ASS1: variants seen among roughly 807,000 people sequenced by gnomAD.
ASS1 encodes argininosuccinate synthase 1.
ASS1 carries 58 observed loss-of-function variants against 60.5 expected under a neutral mutation model. The observed-to-expected ratio is 0.96, with a 90% CI of 0.78 to 1.19. ASS1 has a LOEUF of 1.19. Among genes scored for constraint, ASS1 ranks in the 50% most tolerant of loss-of-function variants. ASS1 has a pLI of 0.00. For missense variants in ASS1, 454 were observed against 547.3 expected, an observed-to-expected ratio of 0.83 and a Z score of 1.70; for synonymous variants, 200 against 206.9, an observed-to-expected ratio of 0.97 and a Z score of 0.29.
In ASS1 at chr9:130,476,896, C is replaced by G. The variant is rs776441071; in HGVS notation, c.623C>G (p.Thr208Arg). Residue 208 changes from threonine (T) to arginine (R), a missense_variant, in exon 9 of 15, where the codon ACG (threonine) becomes AGG (arginine). Coordinates refer to ENST00000352480, the MANE Select transcript of ASS1 (RefSeq NM_054012.4). The surrounding 1 kb of genome is among the most constrained non-coding windows in gnomAD (Gnocchi z 4.9). Reference protein sequence around the residue: ...PKNQAPPGLYTKTQDPAKAPN... With the variant: ...PKNQAPPGLYRKTQDPAKAPN... ...AACCAAGCGCCTCCAGGTCTCTACA[C>G]GAAGACCCAGGACCCAGCCAAAGCC... 5 of 1,614,098 alleles carry G rather than the reference C, an allele frequency of 3.1e-6. No homozygotes were observed. The Admixed American group carries it at 5.0e-5, about 16-fold the overall frequency.
Position 130,489,576 on chromosome 9 carries a change from C to T in ASS1, c.970+112C>T, listed in dbSNP as rs756867001. ...CCGTATCAGCACCTTCCTCCCCTGC[C>T]GCCCACTGCCATCCTCATGTGAGAC... On this transcript the variant is annotated intron_variant, in intron 12 of 14. Coordinates refer to ENST00000352480, the MANE Select transcript of ASS1 (RefSeq NM_054012.4). This position sits in a 1 kb window ranked among gnomAD's most constrained non-coding sequence, Gnocchi z 4.1. The T allele has an allele frequency of 1.1e-5, 17 of 1,537,010 alleles. No homozygotes were observed. Among genetic ancestry groups the T allele is most frequent in the Non-Finnish European group, 1.4e-5 (16 of 1,118,768 alleles).
intron 8 of ASS1, among the ~76,000 whole-genome samples, 185 bp downstream of exon 8, chr9:130,471,700 C>T (rs913593358): frequency 6.1e-4 from 93 of 152,148 alleles, no homozygotes; most frequent in African/African-American, 2.2e-3. Context: ...ACCGTCTCCT[C>T]GCTGCATTTG....
chr9:130,491,100 C>T lies in ASS1; in HGVS notation c.970+1636C>T, dbSNP rs149658802. The stretch of plus-strand genomic sequence containing the variant: ...ATCACTGTAACTCATCTCAGGATTT[C>T]GAGAGGGCTCGATGGTTATTGGCTG... On this transcript the variant is annotated intron_variant, in intron 12 of 14. Coordinates refer to ENST00000352480, the MANE Select transcript of ASS1 (RefSeq NM_054012.4). The surrounding 1 kb of genome is among the most constrained non-coding windows in gnomAD (Gnocchi z 5.3). Among the ~76,000 whole-genome samples the T allele has an allele frequency of 6.6e-4, 101 of 152,302 alleles. No individual in the cohort carries two copies. The Middle Eastern group carries it at 0.017, about 26-fold the overall frequency.
Position 130,470,488 on chromosome 9 carries a change from T to C in ASS1, c.496-346T>C, listed in dbSNP as rs1157657855. Reference sequence around the variant, plus strand: ...GCGGGTTCACACAAGCCCCAGCTCGTAGGGTGGTGGCGGGGCTGGTTGGCT... The same window carrying C: ...GCGGGTTCACACAAGCCCCAGCTCGCAGGGTGGTGGCGGGGCTGGTTGGCT... On this transcript the variant is annotated intron_variant, in intron 6 of 14. Coordinates refer to ENST00000352480, the MANE Select transcript of ASS1 (RefSeq NM_054012.4). The surrounding 1 kb of genome is among the most constrained non-coding windows in gnomAD (Gnocchi z 4.3). Among the ~76,000 whole-genome samples, 1 of 152,144 alleles carries C rather than the reference T, an allele frequency of 6.6e-6. No homozygotes were observed. The highest frequency in any genetic ancestry group is 1.5e-5 in the Non-Finnish European group (1 of 68,014).
rs768923973 is a variant in ASS1 at position 130,452,282 on chromosome 9, G to A, written c.54G>A (p.Ser18=). The part of the protein sequence containing the change: ...VLAYSGGLDT[S]CILVWLKEQG... ...CCTACAGTGGCGGCCTGGACACCTC[G>A]TGCATCCTCGTGTGGCTGAAGGAAC... The change falls in exon 2 of 15, where the codon TCG becomes TCA. Residue 18 remains serine, a synonymous_variant. Transcript: ENST00000352480. 10 of 1,614,034 alleles carry A rather than the reference G, an allele frequency of 6.2e-6. No homozygotes were observed. The highest frequency in any genetic ancestry group is 1.7e-5 in the Admixed American group (1 of 60,004).
intron 11 of ASS1, among the ~76,000 whole-genome samples, chr9:130,483,452 G>A (rs1172975827): frequency 6.6e-6 from 1 of 151,768 alleles, no homozygotes; most frequent in Admixed American, 6.6e-5. Flanking sequence ...TGGGGAAGCC[G>A]CGGCTGGAGT....
At chr9:130,454,846 A>C (rs2131869985) in intron 3 of ASS1, among the ~76,000 whole-genome samples, 1 of 149,322 alleles carries the variant, frequency 6.7e-6, no homozygotes, top group South Asian at 2.1e-4. Flanking sequence ...CCATCCATCC[A>C]TCCATTCATC....
chr9:130,458,731 C>A, intron 4 of ASS1, 142 bp downstream of exon 4: 1 of 1,194,770 alleles, frequency 8.4e-7, no homozygotes, highest in Non-Finnish European at 1.2e-6. Context: ...GTTTAGACCC[C>A]AATGAGAGGG....
Position 130,489,231 on chromosome 9 carries a change from T to A in ASS1, c.839-102T>A. ...GCCGGCTTGTCTCCTGTCAGACGACTCATTATTATTATTATTTTTTTTTTT... is the reference window on the plus strand; with the variant it reads ...GCCGGCTTGTCTCCTGTCAGACGACACATTATTATTATTATTTTTTTTTTT... On this transcript the variant is annotated intron_variant, in intron 11 of 14. Coordinates refer to ENST00000352480, the MANE Select transcript of ASS1 (RefSeq NM_054012.4). This position sits in a 1 kb window ranked among gnomAD's most constrained non-coding sequence, Gnocchi z 4.1. The A allele has an allele frequency of 3.3e-6, 5 of 1,504,038 alleles. No homozygotes were observed. The highest frequency in any genetic ancestry group is 4.6e-6 in the Non-Finnish European group (5 of 1,098,602). The allele number at this position is 1,504,038 out of a possible 1,614,324, so 93.2% of individuals were successfully genotyped here.
At position 130,478,890 on chromosome 9, in the gene ASS1, C is replaced by T. The variant is rs576200943; in HGVS notation, c.689-826C>T. Among the ~76,000 whole-genome samples the T allele has an allele frequency of 6.6e-6, 1 of 152,284 alleles. No homozygotes were observed. The highest frequency in any genetic ancestry group is 2.1e-4 in the South Asian group (1 of 4,830). On this transcript the variant is annotated intron_variant, in intron 9 of 14. Transcript: ENST00000352480. The surrounding 1 kb of genome is among the most constrained non-coding windows in gnomAD (Gnocchi z 4.7). Reference sequence around the variant, plus strand: ...AAGCGGCGCCTGGCTAATAAAGCCTCGAAAGCCGCTATTGAGGCCTGATTG... The same window carrying T: ...AAGCGGCGCCTGGCTAATAAAGCCTTGAAAGCCGCTATTGAGGCCTGATTG...
intron 9 of ASS1, among the ~76,000 whole-genome samples, chr9:130,479,264 A>G (rs1846103979): frequency 6.6e-6 from 1 of 151,898 alleles, no homozygotes; most frequent in Non-Finnish European, 1.5e-5. Flanking sequence ...GGTCCGCCTG[A>G]CAGACGTGGC....
intron 7 of ASS1, 48 bp from the exon 8 acceptor site, chr9:130,471,437 T>A: frequency 6.2e-7 from 1 of 1,607,502 alleles, no homozygotes; most frequent in Non-Finnish European, 8.5e-7. Flanking sequence ...GATGGGGACA[T>A]GCCATGTCCC....
intron 3 of ASS1, among the ~76,000 whole-genome samples, chr9:130,455,051 TCATCCATC>T (rs141916013): frequency 6.8e-6 from 1 of 147,152 alleles, no homozygotes; most frequent in African/African-American, 2.5e-5. Context: ...CATTCATCCA[TCATCCATC>T]CATCCATCCA....
At chr9:130,465,197 C>T (rs1588481998) in intron 5 of ASS1, among the ~76,000 whole-genome samples, 1 of 151,824 alleles carries the variant, frequency 6.6e-6, no homozygotes, top group South Asian at 2.1e-4. Flanking sequence ...TATAGGCATG[C>T]GCCACCACAC....
rs1280414560 is a variant in ASS1, at chr9:130,477,229, C to G, written c.688+268C>G. Among the ~76,000 whole-genome samples, 1 of 152,196 alleles carries G rather than the reference C, an allele frequency of 6.6e-6. No individual in the cohort carries two copies. Among genetic ancestry groups the G allele is most frequent in the African/African-American group, 2.4e-5 (1 of 41,444 alleles). On this transcript the variant is annotated intron_variant, in intron 9 of 14. Coordinates refer to ENST00000352480, the MANE Select transcript of ASS1 (RefSeq NM_054012.4). The surrounding 1 kb of genome is among the most constrained non-coding windows in gnomAD (Gnocchi z 4.2). ...GCACCAGGTCTGGAATGAGAGCGCT[C>G]TAGTCCCTGAACAGCCACTCAACTT...
chr9:130,498,259 G>C lies in ASS1; in HGVS notation c.1128-1246G>C, dbSNP rs540942096. Among the ~76,000 whole-genome samples, 382 of 152,236 alleles carry C rather than the reference G, an allele frequency of 2.5e-3. 3 individuals are homozygous for C. Among genetic ancestry groups the C allele is most frequent in the African/African-American group, 8.6e-3 (356 of 41,548 alleles). ...CTCCTGCCTCCCAACACCGACCCCC[G>C]CTACCCCTACCTCGAGAACCTTGAG... On this transcript the variant is annotated intron_variant, in intron 13 of 14. Transcript: ENST00000352480.
chr9:130,475,851 G>A (rs899100654), intron 8 of ASS1, among the ~76,000 whole-genome samples: 19 of 151,102 alleles, frequency 1.3e-4, no homozygotes, highest in Non-Finnish European at 1.3e-4. Context: ...CCGCCTCCCA[G>A]GTTCAAGCAA....
chr9:130,456,371 C>T (rs1277513484), intron 3 of ASS1, among the ~76,000 whole-genome samples: 1 of 152,022 alleles, frequency 6.6e-6, no homozygotes, highest in East Asian at 1.9e-4. Flanking sequence ...GAGGCTGAGG[C>T]AGGAGAGTCG....
At chr9:130,495,472 TACACACAC>T (rs71499245) in intron 13 of ASS1, among the ~76,000 whole-genome samples, 5 of 146,892 alleles carry the variant, frequency 3.4e-5, no homozygotes, top group African/African-American at 1.3e-4. Flanking sequence ...CACATACATA[TACACACAC>T]ACACACACAC....
Sources: allele counts gnomAD v4.1 joint callset (sites outside exome capture counted in the v4.1 genomes callset), GRCh38; gene constraint gnomAD v4.1.1; non-coding constraint Gnocchi (gnomAD v3.1); transcripts MANE v1.5; gene names NCBI Gene and HGNC (gene_info 2026-07-23, HGNC 2026-07-21).